Variants in CACNB4 observed in about 807,000 individuals in gnomAD.
CACNB4 encodes voltage-dependent L-type calcium channel subunit beta-4.
In CACNB4, 32 loss-of-function variants were observed where a neutral mutation model predicts 71.2. That is an observed-to-expected ratio of 0.45 (90% CI 0.34 to 0.60). The LOEUF is 0.60. Among genes scored for constraint, CACNB4 ranks in the 20% least tolerant of loss-of-function variants. The probability of loss-of-function intolerance (pLI) is 0.01; values close to 1 mark genes in which losing one functional copy is unlikely to be tolerated. For missense variants in CACNB4, 464 were observed against 647.9 expected, an observed-to-expected ratio of 0.72 and a Z score of 3.08; for synonymous variants, 231 against 236.9, an observed-to-expected ratio of 0.97 and a Z score of 0.23.
At chr2:151,840,838 A>G (rs2151316942) in intron 13 of CACNB4, among the ~76,000 whole-genome samples, 1 of 152,354 alleles carries the variant, frequency 6.6e-6, no homozygotes, top group Non-Finnish European at 1.5e-5. Flanking sequence ...AGAGGGCTCA[A>G]TTGACTACAT....
chr2:151,995,542 C>T (rs1681992670), intron 2 of CACNB4, among the ~76,000 whole-genome samples: 1 of 152,164 alleles, frequency 6.6e-6, no homozygotes. Context: ...CCCGTCTCTA[C>T]TAAAAATGCA....
intron 2 of CACNB4, among the ~76,000 whole-genome samples, chr2:151,933,726 T>C (rs2099862221): frequency 6.6e-6 from 1 of 152,172 alleles, no homozygotes; most frequent in South Asian, 2.1e-4. Context: ...AATCAAGTTG[T>C]ACTGGCACTT....
intron 2 of CACNB4, among the ~76,000 whole-genome samples, chr2:151,926,389 AG>A (rs2099860274): frequency 6.6e-6 from 1 of 152,226 alleles, no homozygotes; most frequent in South Asian, 2.1e-4. Context: ...TGACAAGAAC[AG>A]TTTCACTAGA....
intron 12 of CACNB4, among the ~76,000 whole-genome samples, chr2:151,843,346 G>C (rs2099836715): frequency 6.6e-6 from 1 of 152,174 alleles, no homozygotes; most frequent in Admixed American, 6.5e-5. Context: ...AGACAGTGTT[G>C]CTCTGTGGCC....
chr2:152,007,546 C>T (rs954685892), intron 2 of CACNB4, among the ~76,000 whole-genome samples: 7 of 152,198 alleles, frequency 4.6e-5, no homozygotes, highest in Non-Finnish European at 7.3e-5. Flanking sequence ...ACGAGTCAAA[C>T]TTTTCCCTCA....
rs145857365 is a variant in CACNB4 at position 152,021,655 on chromosome 2, C to T, written c.147+76675G>A. Reference sequence around the variant, plus strand: ...AATGTCTCTTTTTCCCCTTCTCATACGTATGTAAATCAATGATGCTTTATC... The same window carrying T: ...AATGTCTCTTTTTCCCCTTCTCATATGTATGTAAATCAATGATGCTTTATC... On this transcript the variant is annotated intron_variant, in intron 2 of 13. Transcript: ENST00000539935. 1.6e-4 allele frequency among the ~76,000 whole-genome samples: 24 copies of T among 152,240 alleles called. No individual in the cohort carries two copies. The East Asian group carries it at 3.3e-3, about 21-fold the overall frequency.
chr2:151,886,207 C>A (rs1328377320), intron 2 of CACNB4, among the ~76,000 whole-genome samples: 1 of 152,152 alleles, frequency 6.6e-6, no homozygotes, highest in Non-Finnish European at 1.5e-5. Flanking sequence ...TCTAAGGGAG[C>A]TGAACTGGCT....
At chr2:151,951,555 A>G (rs1040785062) in intron 2 of CACNB4, among the ~76,000 whole-genome samples, 1 of 152,206 alleles carries the variant, frequency 6.6e-6, no homozygotes, top group Non-Finnish European at 1.5e-5. Context: ...ATAGTTTAAG[A>G]GAATGAGATA....
chr2:151,951,983 T>C (rs375654946), intron 2 of CACNB4, among the ~76,000 whole-genome samples: 34 of 152,208 alleles, frequency 2.2e-4, no homozygotes, highest in African/African-American at 6.3e-4. Flanking sequence ...AATTCTGCCA[T>C]AGACTGTGTG....
At chr2:151,886,882 A>G (rs1226024287) in intron 2 of CACNB4, among the ~76,000 whole-genome samples, 1 of 152,162 alleles carries the variant, frequency 6.6e-6, no homozygotes, top group Non-Finnish European at 1.5e-5. Context: ...AGGAAGGAAA[A>G]GATAAAGGAA....
intron 4 of CACNB4, among the ~76,000 whole-genome samples, chr2:151,878,126 T>A (rs933743117): frequency 6.6e-6 from 1 of 152,150 alleles, no homozygotes; most frequent in Non-Finnish European, 1.5e-5. Context: ...CATATACTTT[T>A]TTCAAAATGT....
intron 8 of CACNB4, chr2:151,870,185 T>C: frequency 1.5e-6 from 1 of 675,200 alleles, no homozygotes; most frequent in Non-Finnish European, 2.7e-6. Context: ...CCTCTTGTGC[T>C]GTTCATTCTC....
chr2:151,936,752 C>G (rs1265049200), intron 2 of CACNB4, among the ~76,000 whole-genome samples: 1 of 152,176 alleles, frequency 6.6e-6, no homozygotes, highest in Non-Finnish European at 1.5e-5. Context: ...CCCTAGGGCC[C>G]GGACCACCTC....
intron 2 of CACNB4, chr2:151,968,107 A>C (rs2099871620): frequency 6.6e-6 from 1 of 152,166 alleles, no homozygotes; most frequent in Admixed American, 6.5e-5. Context: ...AAAAGCTCAA[A>C]GTTGTCATTA....
intron 2 of CACNB4, among the ~76,000 whole-genome samples, chr2:152,075,716 A>G (rs1686972611): frequency 6.6e-6 from 1 of 152,170 alleles, no homozygotes; most frequent in African/African-American, 2.4e-5. Context: ...TCCAGCTCAA[A>G]TTCCAGAGCC....
chr2:152,040,414 T>C (rs1441163536), intron 2 of CACNB4, among the ~76,000 whole-genome samples: 1 of 152,160 alleles, frequency 6.6e-6, no homozygotes, highest in Non-Finnish European at 1.5e-5. Context: ...ATTAATTTTA[T>C]TTATCTATTT....
intron 2 of CACNB4, among the ~76,000 whole-genome samples, chr2:151,897,663 G>A (rs1420465088): frequency 1.3e-5 from 2 of 152,192 alleles, no homozygotes; most frequent in African/African-American, 4.8e-5. Context: ...GAGAGCTGGC[G>A]TACAATAAGC....
At chr2:151,993,494 A>C (rs73013210) in intron 2 of CACNB4, among the ~76,000 whole-genome samples, 2,068 of 152,172 alleles carry the variant, frequency 0.014, 51 homozygotes, top group African/African-American at 0.048. Flanking sequence ...GGGGCCAGGT[A>C]AGGAACCAGA....
intron 2 of CACNB4, among the ~76,000 whole-genome samples, chr2:151,978,845 T>C (rs1227154814): frequency 1.3e-5 from 2 of 152,094 alleles, no homozygotes; most frequent in Non-Finnish European, 2.9e-5. Context: ...GCTGCCCTCA[T>C]ACCTTCATGC....
Sources: gnomAD v4.1 joint callset for allele counts (sites outside exome capture counted in the v4.1 genomes callset) on GRCh38, gnomAD v4.1.1 for gene constraint, MANE v1.5 for transcripts, NCBI Gene and HGNC (gene_info 2026-07-23, HGNC 2026-07-21) for gene names.